The following ERN2 variants were observed in gnomAD, a reference collection of about 807,000 sequenced individuals.
The protein encoded by ERN2 is endoplasmic reticulum to nucleus signaling 2.
Under a neutral mutation model 107.9 loss-of-function variants are expected in ERN2, and 111 were observed. The observed-to-expected ratio is 1.03, with a 90% CI of 0.88 to 1.20. The LOEUF is 1.20. Ranked by LOEUF, ERN2 falls within the 50% of genes most tolerant of loss-of-function variation. ERN2 has a pLI of 0.00. For missense variants in ERN2, 1,225 were observed against 1,197.9 expected, an observed-to-expected ratio of 1.02 and a Z score of -0.33; for synonymous variants, 524 against 501.7, an observed-to-expected ratio of 1.04 and a Z score of -0.59.
chr16:23,700,819 C>G, intron 12 of ERN2, 115 bp from the exon 13 acceptor site: 1 of 1,470,656 alleles, frequency 6.8e-7, no homozygotes. Flanking sequence ...AGAGCAAGAT[C>G]GCAGGGGCCT....
rs1960127584 is a variant in ERN2, at chr16:23,702,510, C to T, written c.961G>A (p.Asp321Asn). ...VPRGLTLAPADGPTTDEVTLQ... is the reference protein window; with the variant it reads ...VPRGLTLAPANGPTTDEVTLQ... ...GTCACCTCATCTGTGGTGGGGCCAT[C>T]TGCGGGGGCCAGGGTCAGTCCACGA... The change falls in exon 10 of 22, where the codon GAT (aspartate) becomes AAT (asparagine). Residue 321 changes from aspartate to asparagine, a missense_variant. By Grantham distance (23) the Asp-to-Asn change is conservative. Transcript: ENST00000256797. 1.2e-6 allele frequency: 2 copies of T among 1,613,868 alleles called. No homozygotes were observed. Among genetic ancestry groups the T allele is most frequent in the African/African-American group, 1.3e-5 (1 of 74,938 alleles).
rs181498205 is a variant in ERN2, at chr16:23,691,181, C to A, written c.2516G>T (p.Arg839Leu). The A allele has an allele frequency of 3.1e-6, 5 of 1,613,984 alleles. No homozygotes were observed. In the Admixed American group the frequency reaches 5.0e-5, roughly 16 times the overall value. Residue 839 changes from arginine (R) to leucine (L), a missense_variant, in exon 21 of 22, where the codon CGG (arginine) becomes CTG (leucine). By Grantham distance (102) the Arg-to-Leu change is moderately radical. Transcript: ENST00000256797. ...MPLQTDLRKF[R>L]SYKGTSVRDL... is the part of the protein sequence containing the mutation. ...TCGCACTGATGTCCCCTTATAGGAC[C>A]GGAACTTTCTCAGATCTGTGGACAG... is the stretch of plus-strand genomic sequence containing the variant.
chr16:23,695,897 A>AGCCAG lies in ERN2; in HGVS notation c.1606_1607insCTGGC (p.Phe536SerfsTer69). 1 of 1,613,838 alleles carries AGCCAG rather than the reference A, an allele frequency of 6.2e-7. No homozygotes were observed. Among genetic ancestry groups the AGCCAG allele is most frequent in the Non-Finnish European group, 8.5e-7 (1 of 1,179,782 alleles). On this transcript the variant is annotated frameshift_variant, in exon 14 of 22. Transcript: ENST00000256797. LOFTEE classifies it high-confidence loss of function. ...TTGGCTCCTGGCTGCCACTCACCGG[A>AGCCAG]AAACGAAAGTCCCGCCTGCCCCGCG...
chr16:23,710,425 G>T, intron 3 of ERN2, 91 bp downstream of exon 3: 2 of 1,394,996 alleles, frequency 1.4e-6, no homozygotes, highest in Non-Finnish European at 2.0e-6. Flanking sequence ...CTTCCAACAT[G>T]TCCCTGCCCC....
chr16:23,702,955 C>T (rs1373381531), intron 8 of ERN2, among the ~76,000 whole-genome samples: 2 of 151,946 alleles, frequency 1.3e-5, no homozygotes, highest in Non-Finnish European at 1.5e-5. Flanking sequence ...GGCTAGCCTG[C>T]TGGGGTGTGA....
chr16:23,704,978 CAG>C lies in ERN2; in HGVS notation c.757_758del (p.Leu253AlafsTer41), dbSNP rs771445771. 7.4e-6 allele frequency: 12 copies of C among 1,613,972 alleles called. No individual in the cohort carries two copies. The highest frequency in any genetic ancestry group is 9.3e-6 in the Non-Finnish European group (11 of 1,180,014). On this transcript the variant is annotated frameshift_variant, in exon 8 of 22. Coordinates refer to ENST00000256797, the MANE Select transcript of ERN2 (RefSeq NM_033266.4). LOFTEE classifies it high-confidence loss of function. ...GGCCCCAGCGGAGGGCGAGGAAATGCAGAGTGTCTCGAGCCAGCGTGAGATGC... is the reference window on the plus strand; with the variant it reads ...GGCCCCAGCGGAGGGCGAGGAAATGCAGTGTCTCGAGCCAGCGTGAGATGC... ...LPHLTLARDT[L>X]HFLALRWGHI...
chr16:23,691,278 G>A, intron 20 of ERN2, 24 bp downstream of exon 20: 1 of 1,612,550 alleles, frequency 6.2e-7, no homozygotes, highest in Non-Finnish European at 8.5e-7. Flanking sequence ...CCACCGCCCA[G>A]GCCCACCTGA....
chr16:23,711,524 T>C (rs1960539922), intron 1 of ERN2, among the ~76,000 whole-genome samples: 1 of 148,798 alleles, frequency 6.7e-6, no homozygotes, highest in South Asian at 2.2e-4. Context: ...ACCTGGCTAA[T>C]TTTTGTATTT....
Position 23,701,971 on chromosome 16 carries a change from TAAC to T in ERN2, c.1203+178_1203+180del, listed in dbSNP as rs1555467632. 2.0e-4 allele frequency among the ~76,000 whole-genome samples: 13 copies of T among 65,950 alleles called. No individual in the cohort carries two copies. The Admixed American group carries it at 2.4e-3, about 12-fold the overall frequency. The allele number at this position is 65,950 out of a possible 152,430, so 43.3% of individuals were successfully genotyped here. On this transcript the variant is annotated intron_variant, in intron 11 of 21. Coordinates refer to ENST00000256797, the MANE Select transcript of ERN2 (RefSeq NM_033266.4). ...AACACTTCTAACGTGTTTCTGGCAG[TAAC>T]AACAACAACAACAACAACAAGTTGT...
intron 13 of ERN2, among the ~76,000 whole-genome samples, chr16:23,696,453 GC>G (rs1351115146): frequency 6.6e-6 from 1 of 152,184 alleles, no homozygotes; most frequent in Admixed American, 6.5e-5. Flanking sequence ...CACTGAATCA[GC>G]TTCAACTTCA....
Position 23,706,435 on chromosome 16 carries a change from G to T in ERN2, c.488-4C>A. On this transcript the variant is annotated splice_polypyrimidine_tract_variant and splice_region_variant and intron_variant, in intron 6 of 21. Transcript: ENST00000256797. ...TCATGCATGGTGACCGTATACTCTG[G>T]GGATCCCAGAAGCAAGATTACCAGG... is the stretch of plus-strand genomic sequence containing the variant. The T allele has an allele frequency of 6.4e-7, 1 of 1,560,346 alleles. No individual in the cohort carries two copies. The highest frequency in any genetic ancestry group is 2.4e-5 in the East Asian group (1 of 42,030).
rs186743941 is a variant in ERN2, at chr16:23,695,322, G to A, written c.1678C>T (p.Arg560Trp). Residue 560 changes from arginine (R) to tryptophan (W), a missense_variant, in exon 15 of 22, where the codon CGG (arginine) becomes TGG (tryptophan). Transcript: ENST00000256797. ...GACTCCTGCAGCAGTTGAACTTCCCGCCGAACCAGGCCAAAGCACTCGCGG... is the reference window on the plus strand; with the variant it reads ...GACTCCTGCAGCAGTTGAACTTCCCACCGAACCAGGCCAAAGCACTCGCGG... The part of the protein sequence containing the change: ...LLRECFGLVR[R>W]EVQLLQESDR... 1 of 1,613,046 alleles carries A rather than the reference G, an allele frequency of 6.2e-7. No individual in the cohort carries two copies. Among genetic ancestry groups the A allele is most frequent in the South Asian group, 1.1e-5 (1 of 90,964 alleles).
At chr16:23,707,411 A>C in intron 4 of ERN2, 1 of 326,878 alleles carries the variant, frequency 3.1e-6, no homozygotes, top group Admixed American at 4.5e-5. Context: ...TGACCTGACC[A>C]CCTCCTCGAA....
intron 1 of ERN2, 149 bp downstream of exon 1, chr16:23,712,946 A>G (rs1960600548): frequency 1.7e-6 from 1 of 597,242 alleles, no homozygotes. Context: ...GGAGGCTTTT[A>G]CTCCGTTGGG....
intron 14 of ERN2, 134 bp from the exon 15 acceptor site, chr16:23,695,523 C>G (rs907281607): frequency 1.5e-5 from 11 of 732,804 alleles, no homozygotes; most frequent in African/African-American, 1.4e-4. Flanking sequence ...GTCAGGAGTT[C>G]GAGACCAGCC....
chr16:23,710,321 T>G, intron 3 of ERN2, 77 bp from the exon 4 acceptor site: 1 of 1,336,322 alleles, frequency 7.5e-7, no homozygotes, highest in Non-Finnish European at 1.1e-6. Context: ...TTCCTTCCAA[T>G]TTCTCAGCTA....
At position 23,702,464 on chromosome 16, in the gene ERN2, C is replaced by T. The variant is rs536167911; in HGVS notation, c.1007G>A (p.Arg336Gln). 30 of 1,613,454 alleles carry T rather than the reference C, an allele frequency of 1.9e-5. 1 individual carries two copies. The South Asian group carries it at 2.2e-4, about 12-fold the overall frequency. The change falls in exon 10 of 22, where the codon CGA (arginine) becomes CAA (glutamine). Residue 336 changes from arginine (R) to glutamine (Q), a missense_variant. Coordinates refer to ENST00000256797, the MANE Select transcript of ERN2 (RefSeq NM_033266.4). ...AACAGCAGTGCTGGGTGAGCCCTCT[C>T]GCTCTCCTGAGACTTGGAGTGTCAC... ...DEVTLQVSGE[R>Q]EGSPSTAVRY...
In ERN2 at chr16:23,705,152, C is replaced by T. The variant is rs1375222290; in HGVS notation, c.590-5G>A. 1.4e-5 allele frequency: 23 copies of T among 1,609,972 alleles called. No individual in the cohort carries two copies. Among genetic ancestry groups the T allele is most frequent in the South Asian group, 2.2e-5 (2 of 90,976 alleles). ...AGGACGCCAGGTGGCTCATGTCTGCCGAGAAAGGTGGCTGGGGAGATGTGG... is the reference window on the plus strand; with the variant it reads ...AGGACGCCAGGTGGCTCATGTCTGCTGAGAAAGGTGGCTGGGGAGATGTGG... On this transcript the variant is annotated splice_polypyrimidine_tract_variant and splice_region_variant and intron_variant, in intron 7 of 21. Transcript: ENST00000256797.
chr16:23,710,393 C>T (rs751007608), intron 3 of ERN2, 123 bp downstream of exon 3: 4 of 1,229,242 alleles, frequency 3.3e-6, no homozygotes, highest in Non-Finnish European at 4.8e-6. Flanking sequence ...ATATCACATC[C>T]AGAGCCAATT....
Sources: gnomAD v4.1 joint callset for allele counts (sites outside exome capture counted in the v4.1 genomes callset) on GRCh38, gnomAD v4.1.1 for gene constraint, MANE v1.5 for transcripts, NCBI Gene and HGNC (gene_info 2026-07-23, HGNC 2026-07-21) for gene names.